The following MDM2 variants were observed in gnomAD, a reference collection of about 807,000 sequenced individuals.
MDM2 encodes E3 ubiquitin-protein ligase Mdm2.
MDM2 carries 11 observed loss-of-function variants against 64.3 expected under a neutral mutation model. That is an observed-to-expected ratio of 0.17 (90% CI 0.11 to 0.28). The LOEUF (loss-of-function observed/expected upper bound fraction) is 0.28, where lower values mean the gene tolerates loss of function less well. Among genes scored for constraint, MDM2 ranks in the 10% least tolerant of loss-of-function variants. The pLI, the probability that MDM2 is intolerant of heterozygous loss-of-function variation, is 1.00. For missense variants in MDM2, 388 were observed against 577.1 expected, an observed-to-expected ratio of 0.67 and a Z score of 3.36; for synonymous variants, 194 against 192.9, an observed-to-expected ratio of 1.01 and a Z score of -0.05.
rs563860571 is a variant in MDM2, at chr12:68,843,941, A to G, written c.*4092A>G. On this transcript the variant is annotated 3_prime_UTR_variant, in exon 11 of 11. Transcript: ENST00000258149. ...TGTTTTTTTCCTTTGGAGGTCCTCA[A>G]AGCATTATTGGAGTTCATAATACTG... The G allele has an allele frequency of 1.8e-4, 38 of 211,308 alleles. No individual in the cohort carries two copies. Among genetic ancestry groups the G allele is most frequent in the Non-Finnish European group, 2.9e-4 (30 of 104,532 alleles). The allele number at this position is 211,308 out of a possible 1,614,324, so 13.1% of individuals were successfully genotyped here. A position where few individuals can be genotyped will look rare whatever the true frequency, so the allele number is the denominator to read the frequency against.
rs1274267880 is a variant in MDM2 at position 68,842,128 on chromosome 12, AAT to A, written c.*2283_*2284del. On this transcript the variant is annotated 3_prime_UTR_variant, in exon 11 of 11. Transcript: ENST00000258149. ...GCTTACAGTGGATTTGAATTTGAAA[AAT>A]ATAGTAACAAGCCTGTCAAATATCT... 14 of 435,226 alleles carry A rather than the reference AAT, an allele frequency of 3.2e-5. No individual in the cohort carries two copies. Among genetic ancestry groups the A allele is most frequent in the African/African-American group, 2.6e-4 (13 of 49,698 alleles). 27.0% of individuals were successfully genotyped at this position (435,226 alleles called of 1,614,324 possible). A position where few individuals can be genotyped will look rare whatever the true frequency, so the allele number is the denominator to read the frequency against.
intron 7 of MDM2, 66 bp downstream of exon 7, chr12:68,824,717 G>A (rs1882159561): frequency 1.9e-6 from 2 of 1,054,000 alleles, no homozygotes; most frequent in Non-Finnish European, 2.9e-6. Context: ...AATGAAATTA[G>A]TGCTTTTAGA....
chr12:68,846,677 G>A (rs1259447547), downstream of MDM2: 2 of 152,138 alleles, frequency 1.3e-5, no homozygotes, highest in East Asian at 1.9e-4. Flanking sequence ...TATCTCTGAT[G>A]TTCTACTGGA....
intron 7 of MDM2, 22 bp from the exon 8 acceptor site, chr12:68,828,748 AT>A (rs758319082): frequency 1.1e-5 from 17 of 1,609,976 alleles, no homozygotes; most frequent in East Asian, 4.5e-5. Context: ...ACAGCAATTT[AT>A]TTTTTTTCCT....
chr12:68,816,664 G>C, intron 3 of MDM2, 148 bp from the exon 4 acceptor site: 1 of 685,772 alleles, frequency 1.5e-6, no homozygotes, highest in East Asian at 3.3e-5. Flanking sequence ...GCCAAAAGTA[G>C]CTTCTAAGTA....
At chr12:68,821,647 T>A (rs2136131896) in intron 5 of MDM2, among the ~76,000 whole-genome samples, 1 of 152,226 alleles carries the variant, frequency 6.6e-6, no homozygotes, top group East Asian at 1.9e-4. Flanking sequence ...TTTTTGAGGC[T>A]GGGAGGTCAG....
intron 4 of MDM2, 27 bp from the exon 5 acceptor site, chr12:68,820,298 G>GT: frequency 1.4e-6 from 2 of 1,468,280 alleles, no homozygotes; most frequent in South Asian, 1.2e-5. Flanking sequence ...TACATCTCTT[G>GT]TTATTTTTTT....
intron 8 of MDM2, among the ~76,000 whole-genome samples, chr12:68,829,842 CAGACTTCCAAAATATTAGTG>C (rs1258326546): frequency 6.6e-6 from 1 of 151,438 alleles, no homozygotes. Flanking sequence ...ATTACTAATA[CAGACTTCCAAAATATTAGTG>C]AGCAGCATTT....
intron 4 of MDM2, among the ~76,000 whole-genome samples, chr12:68,818,567 T>C (rs563736171): frequency 1.1e-3 from 160 of 148,178 alleles, no homozygotes; most frequent in Non-Finnish European, 1.8e-3. Flanking sequence ...AATATACATA[T>C]AATATAATTA....
Position 68,844,534 on chromosome 12 carries a change from A to G in MDM2, c.*4685A>G, listed in dbSNP as rs368225218. On this transcript the variant is annotated 3_prime_UTR_variant, in exon 11 of 11. Coordinates refer to ENST00000258149, the MANE Select transcript of MDM2 (RefSeq NM_002392.6). ...GGGAGTTTGGGCTAGCCACCGTACC[A>G]CTTGTCAGCGTGAAAAGTAAGATTG... is the stretch of plus-strand genomic sequence containing the variant. 2.8e-4 allele frequency: 63 copies of G among 228,570 alleles called. 1 individual carries two copies. In the South Asian group the frequency reaches 0.011, roughly 40 times the overall value. 14.2% of individuals were successfully genotyped at this position (228,570 alleles called of 1,614,324 possible).
At chr12:68,821,301 C>T (rs1881829624) in intron 5 of MDM2, among the ~76,000 whole-genome samples, 1 of 152,088 alleles carries the variant, frequency 6.6e-6, no homozygotes, top group Non-Finnish European at 1.5e-5. Context: ...CTGCCTCGGC[C>T]TTCCAAAGTC....
chr12:68,809,182 T>G, intron 1 of MDM2, 26 bp from the exon 2 acceptor site: 1 of 1,608,588 alleles, frequency 6.2e-7, no homozygotes, highest in South Asian at 1.1e-5. Context: ...TTTCCAGTTT[T>G]CATCGTGTCT....
At chr12:68,808,859 G>A in intron 1 of MDM2, 1 of 1,326,538 alleles carries the variant, frequency 7.5e-7, no homozygotes, top group Non-Finnish European at 9.7e-7. Flanking sequence ...TGAACGCTGC[G>A]CGTAGTCTGG....
At chr12:68,811,993 G>T (rs1367694714) in intron 2 of MDM2, among the ~76,000 whole-genome samples, 1 of 152,190 alleles carries the variant, frequency 6.6e-6, no homozygotes. Flanking sequence ...TGATCTGCCT[G>T]CCTCGGCCTC....
chr12:68,812,237 T>C (rs1880968259), intron 2 of MDM2, among the ~76,000 whole-genome samples: 1 of 152,204 alleles, frequency 6.6e-6, no homozygotes, highest in African/African-American at 2.4e-5. Flanking sequence ...ATAATTCAAT[T>C]CTATATGTAT....
chr12:68,810,485 G>A (rs917881507), intron 2 of MDM2, among the ~76,000 whole-genome samples: 11 of 150,750 alleles, frequency 7.3e-5, no homozygotes, highest in Non-Finnish European at 1.2e-4. Flanking sequence ...TTTTTGAGGC[G>A]GAGTCTTGCT....
intron 2 of MDM2, among the ~76,000 whole-genome samples, chr12:68,811,094 A>C (rs1405909137): frequency 4.8e-5 from 7 of 146,524 alleles, no homozygotes; most frequent in African/African-American, 1.8e-4. Flanking sequence ...TGAACTCCCA[A>C]CTTCAGGTGA....
In MDM2 at chr12:68,820,314, C is replaced by A. The variant is rs879052364; in HGVS notation, c.309-11C>A. 6.8e-7 allele frequency: 1 copy of A among 1,462,058 alleles called. No individual in the cohort carries two copies. Among genetic ancestry groups the A allele is most frequent in the Non-Finnish European group, 9.2e-7 (1 of 1,082,750 alleles). 90.6% of individuals were successfully genotyped at this position (1,462,058 alleles called of 1,614,324 possible). A position where few individuals can be genotyped will look rare whatever the true frequency, so the allele number is the denominator to read the frequency against. ...ACATCTCTTGTTATTTTTTTTTTTTCTGTCTACAAGGAAAATATATACCAT... is the reference window on the plus strand; with the variant it reads ...ACATCTCTTGTTATTTTTTTTTTTTATGTCTACAAGGAAAATATATACCAT... On this transcript the variant is annotated splice_polypyrimidine_tract_variant and intron_variant, in intron 4 of 10. Transcript: ENST00000258149.
intron 4 of MDM2, among the ~76,000 whole-genome samples, chr12:68,817,515 C>T (rs1881484595): frequency 6.6e-6 from 1 of 152,034 alleles, no homozygotes; most frequent in African/African-American, 2.4e-5. Context: ...TTTGAGAGGC[C>T]AAGGCGGGTG....
Sources: gnomAD v4.1 joint callset for allele counts (sites outside exome capture counted in the v4.1 genomes callset) on GRCh38, gnomAD v4.1.1 for gene constraint, MANE v1.5 for transcripts, NCBI Gene and HGNC (gene_info 2026-07-23, HGNC 2026-07-21) for gene names.